The following TTC28 variants were observed in gnomAD, a reference collection of about 807,000 sequenced individuals.
The protein encoded by TTC28 is tetratricopeptide repeat domain 28.
Under a neutral mutation model 198.0 loss-of-function variants are expected in TTC28, and 61 were observed. The observed-to-expected ratio is 0.31, with a 90% CI of 0.25 to 0.38. TTC28 has a LOEUF of 0.38. Among genes scored for constraint, TTC28 ranks in the 10% least tolerant of loss-of-function variants. TTC28 has a pLI of 1.00. For synonymous variants in TTC28, 1,171 were observed against 1,297.8 expected (o/e 0.90, Z 2.10); for missense variants, 2,678 against 3,164.0 (o/e 0.85, Z 3.69).
intron 12 of TTC28, among the ~76,000 whole-genome samples, chr22:28,074,874 C>T (rs957227244): frequency 3.9e-5 from 6 of 152,094 alleles, no homozygotes; most frequent in East Asian, 1.9e-4. Context: ...CCAAGGCAGG[C>T]GGATCACCTG....
chr22:28,163,417 A>G lies in TTC28; in HGVS notation c.1116T>C (p.Asn372=), dbSNP rs1447167498. ...GATGCTGCTCATGGCACTGCACAGCATTCTCAAAGTCACCCATGGCAATAT... is the reference window on the plus strand; with the variant it reads ...GATGCTGCTCATGGCACTGCACAGCGTTCTCAAAGTCACCCATGGCAATAT... ...AVYIAMGDFE[N]AVQCHEQHLK... The change falls in exon 6 of 23, where the codon AAT becomes AAC. Residue 372 remains asparagine (N), a synonymous_variant. Coordinates refer to ENST00000397906, the MANE Select transcript of TTC28 (RefSeq NM_001145418.2). 2.6e-6 allele frequency: 4 copies of G among 1,551,834 alleles called. No homozygotes were observed. The East Asian group carries it at 9.8e-5, about 38-fold the overall frequency.
intron 5 of TTC28, among the ~76,000 whole-genome samples, chr22:28,221,048 G>T (rs1415498382): frequency 1.3e-5 from 2 of 152,150 alleles, no homozygotes; most frequent in East Asian, 3.8e-4. Flanking sequence ...ACAACTTTAA[G>T]AATTAACAGG....
At chr22:28,502,236 G>A (rs1194294445) in intron 2 of TTC28, among the ~76,000 whole-genome samples, 2 of 152,140 alleles carry the variant, frequency 1.3e-5, no homozygotes, top group African/African-American at 4.8e-5. Context: ...CCCTGCACCT[G>A]AGAGGCTTGA....
At chr22:28,315,235 G>A (rs916735473) in intron 2 of TTC28, among the ~76,000 whole-genome samples, 2 of 152,030 alleles carry the variant, frequency 1.3e-5, no homozygotes, top group Non-Finnish European at 2.9e-5. Flanking sequence ...AAGCTAAAAT[G>A]TCAAAGACTT....
intron 5 of TTC28, among the ~76,000 whole-genome samples, chr22:28,184,281 T>A (rs7510988): frequency 2.0e-5 from 3 of 152,296 alleles, no homozygotes; most frequent in African/African-American, 7.2e-5. Context: ...TTTAAAGTCA[T>A]ATATTTATAT....
intron 5 of TTC28, among the ~76,000 whole-genome samples, chr22:28,278,630 T>C (rs2044518405): frequency 6.6e-6 from 1 of 152,194 alleles, no homozygotes; most frequent in African/African-American, 2.4e-5. Flanking sequence ...ATTCTCTGCT[T>C]CATCGTAGCA....
At chr22:28,322,145 C>T (rs2045456512) in intron 2 of TTC28, among the ~76,000 whole-genome samples, 2 of 152,120 alleles carry the variant, frequency 1.3e-5, no homozygotes, top group Non-Finnish European at 2.9e-5. Context: ...TTCTAATAAT[C>T]AGTGTATCAG....
chr22:28,024,414 G>A (rs1402371742), intron 13 of TTC28, among the ~76,000 whole-genome samples: 2 of 152,114 alleles, frequency 1.3e-5, no homozygotes, highest in Non-Finnish European at 2.9e-5. Context: ...GAGGGTGGGG[G>A]GAAAATGGAA....
Position 28,502,894 on chromosome 22 carries a change from CA to C in TTC28, c.381+126657del, listed in dbSNP as rs145542314. 1.2e-4 allele frequency among the ~76,000 whole-genome samples: 19 copies of C among 152,300 alleles called. 1 individual carries two copies. The East Asian group carries it at 3.5e-3, about 28-fold the overall frequency. ...TCATCATCAAATGCCACACTACCCA[CA>C]AGAGTCCATAACTAGCTTTGGCTTT... On this transcript the variant is annotated intron_variant, in intron 2 of 22. Transcript: ENST00000397906.
chr22:28,426,473 A>C (rs2047352307), intron 2 of TTC28, among the ~76,000 whole-genome samples: 1 of 152,170 alleles, frequency 6.6e-6, no homozygotes, highest in Admixed American at 6.5e-5. Flanking sequence ...TGGTTTGCTC[A>C]GGAGTTGGAT....
chr22:28,071,564 A>C (rs1368440226), intron 12 of TTC28, among the ~76,000 whole-genome samples: 1 of 142,588 alleles, frequency 7.0e-6, no homozygotes, highest in Non-Finnish European at 1.5e-5. Flanking sequence ...GGGGAATATC[A>C]CACTCTGGGG....
At chr22:28,230,713 G>A (rs889495258) in intron 5 of TTC28, among the ~76,000 whole-genome samples, 1 of 152,100 alleles carries the variant, frequency 6.6e-6, no homozygotes, top group Non-Finnish European at 1.5e-5. Flanking sequence ...AGCTGGGAAG[G>A]GTCTGAACAT....
At chr22:28,387,043 T>C (rs1235215298) in intron 2 of TTC28, among the ~76,000 whole-genome samples, 1 of 151,898 alleles carries the variant, frequency 6.6e-6, no homozygotes, top group Non-Finnish European at 1.5e-5. Context: ...CCTTCCTGTG[T>C]CCACGTGTTC....
chr22:28,418,943 T>C (rs1331386259), intron 2 of TTC28, among the ~76,000 whole-genome samples: 1 of 152,058 alleles, frequency 6.6e-6, no homozygotes, highest in African/African-American at 2.4e-5. Context: ...CTGAACAAAA[T>C]CAAAGAGCTT....
intron 2 of TTC28, among the ~76,000 whole-genome samples, chr22:28,385,024 C>T (rs2046555254): frequency 6.6e-6 from 1 of 151,214 alleles, no homozygotes; most frequent in South Asian, 2.1e-4. Context: ...GACTGTAATC[C>T]CAGCTACTCG....
intron 2 of TTC28, among the ~76,000 whole-genome samples, chr22:28,384,866 C>T (rs1643626233): frequency 4.6e-5 from 7 of 152,014 alleles, no homozygotes; most frequent in Admixed American, 6.6e-5. Context: ...GGTGGCTGGG[C>T]GTGGTGGCTC....
intron 5 of TTC28, among the ~76,000 whole-genome samples, chr22:28,261,569 A>C (rs565928859): frequency 1.7e-4 from 26 of 152,280 alleles, no homozygotes; most frequent in Admixed American, 6.5e-4. Context: ...TACTATTTTA[A>C]CTGATCCTTC....
chr22:27,990,277 G>T (rs1937354463), intron 20 of TTC28, among the ~76,000 whole-genome samples: 1 of 152,208 alleles, frequency 6.6e-6, no homozygotes, highest in Admixed American at 6.5e-5. Context: ...CTTCCCTCAG[G>T]CGTGGGAGAG....
Position 28,651,311 on chromosome 22 carries a change from C to CTTTTTTTTTTTTTTTTTT in TTC28, c.103-21482_103-21481insAAAAAAAAAAAAAAAAAA, listed in dbSNP as rs111469498. Among the ~76,000 whole-genome samples, 127 of 147,412 alleles carry CTTTTTTTTTTTTTTTTTT rather than the reference C, an allele frequency of 8.6e-4. 2 individuals are homozygous for CTTTTTTTTTTTTTTTTTT. Among genetic ancestry groups the CTTTTTTTTTTTTTTTTTT allele is most frequent in the Non-Finnish European group, 1.0e-3 (70 of 66,874 alleles). ...ACTGCACCCAGTCACTCTGTCACTCCTTTTTTTTGAGACAGGGTCTTGCTG... is the reference window on the plus strand; with the variant it reads ...ACTGCACCCAGTCACTCTGTCACTCCTTTTTTTTTTTTTTTTTTTTTTTTTTGAGACAGGGTCTTGCTG... On this transcript the variant is annotated intron_variant, in intron 1 of 22. Coordinates refer to ENST00000397906, the MANE Select transcript of TTC28 (RefSeq NM_001145418.2).
Sources: allele counts gnomAD v4.1 joint callset (sites outside exome capture counted in the v4.1 genomes callset), GRCh38; gene constraint gnomAD v4.1.1; transcripts MANE v1.5; gene names NCBI Gene and HGNC (gene_info 2026-07-23, HGNC 2026-07-21).